LPCAT3: variants seen among roughly 807,000 people sequenced by gnomAD.
The protein encoded by LPCAT3 is lysophospholipid acyltransferase 5.
In LPCAT3, 21 loss-of-function variants were observed where a neutral mutation model predicts 63.4. The ratio of observed to expected loss-of-function variants is 0.33; its 90% CI spans 0.23 to 0.48. The LOEUF (loss-of-function observed/expected upper bound fraction) is 0.48. LPCAT3 is among the 20% of genes least tolerant of loss of function. The pLI, the probability that LPCAT3 is intolerant of heterozygous loss-of-function variation, is 0.99. For synonymous variants in LPCAT3, 242 were observed against 227.5 expected, an observed-to-expected ratio of 1.06 and a Z score of -0.58; for missense variants, 451 against 590.6, an observed-to-expected ratio of 0.76 and a Z score of 2.45.
In LPCAT3 at chr12:6,977,611, A is replaced by G. The variant is rs1946422993; in HGVS notation, c.1175T>C (p.Ile392Thr). Reference protein sequence around the residue: ...VCFQMEFLIVIVERQAARLIQ... With the variant: ...VCFQMEFLIVTVERQAARLIQ... ...CTGGAGGCCTACCTGTCTTTCCACA[A>G]TAACAATGAGGAATTCCATCTGGAA... The change falls in exon 10 of 13, where the codon ATT (isoleucine) becomes ACT (threonine). Residue 392 changes from isoleucine to threonine, a missense_variant. By Grantham distance (89) the Ile-to-Thr change is moderately conservative (BLOSUM62 -1). This residue lies in a region of LPCAT3 where 304 missense variants were observed against 390.8 expected (regional missense o/e 0.78). Transcript: ENST00000261407. The surrounding 1 kb of genome is among the most constrained non-coding windows in gnomAD (Gnocchi z 4.5). 6 of 1,614,204 alleles carry G rather than the reference A, an allele frequency of 3.7e-6. No individual in the cohort carries two copies. Among genetic ancestry groups the G allele is most frequent in the East Asian group, 2.2e-5 (1 of 44,892 alleles).
chr12:6,977,361 A>G lies in LPCAT3; in HGVS notation c.1347+6T>C, dbSNP rs1946416801. The stretch of plus-strand genomic sequence containing the variant: ...CTCCCAGTCTCACAAGCAGGCCTTC[A>G]CTTGCCTTAAGCCATTTGTCCCACG... On this transcript the variant is annotated splice_donor_region_variant and intron_variant, in intron 11 of 12. Coordinates refer to ENST00000261407, the MANE Select transcript of LPCAT3 (RefSeq NM_005768.6). This position sits in a 1 kb window ranked among gnomAD's most constrained non-coding sequence, Gnocchi z 4.5. 1.2e-6 allele frequency: 2 copies of G among 1,614,182 alleles called. No homozygotes were observed. Among genetic ancestry groups the G allele is most frequent in the African/African-American group, 2.7e-5 (2 of 75,046 alleles).
intron 1 of LPCAT3, among the ~76,000 whole-genome samples, chr12:6,986,443 T>C (rs1946526673): frequency 6.6e-6 from 1 of 152,200 alleles, no homozygotes; most frequent in Non-Finnish European, 1.5e-5. Flanking sequence ...TCAACTTGTT[T>C]ATGCTATTGG....
chr12:7,012,135 G>C (rs371480894), intron 1 of LPCAT3, among the ~76,000 whole-genome samples: 15 of 152,160 alleles, frequency 9.9e-5, no homozygotes, highest in African/African-American at 3.1e-4. Flanking sequence ...CAGTCTAACA[G>C]CCAAGCCACC....
intron 1 of LPCAT3, among the ~76,000 whole-genome samples, chr12:7,009,215 C>T (rs1486776334): frequency 6.6e-6 from 1 of 152,174 alleles, no homozygotes; most frequent in Non-Finnish European, 1.5e-5. Flanking sequence ...GCATGTGCCA[C>T]CATGCCCAGC....
chr12:6,977,066 G>T lies in LPCAT3; in HGVS notation c.*12+68C>A. 7 of 995,106 alleles carry T rather than the reference G, an allele frequency of 7.0e-6. No homozygotes were observed. In the South Asian group the frequency reaches 8.1e-5, roughly 11 times the overall value. The allele number at this position is 995,106 out of a possible 1,614,324, so 61.6% of individuals were successfully genotyped here. ...TTCACCCCAGATTTCTAATACTATTGTTTTTTTCCAGTCTGTTGCTCTATT... is the reference window on the plus strand; with the variant it reads ...TTCACCCCAGATTTCTAATACTATTTTTTTTTTCCAGTCTGTTGCTCTATT... On this transcript the variant is annotated intron_variant, in intron 12 of 12. Coordinates refer to ENST00000261407, the MANE Select transcript of LPCAT3 (RefSeq NM_005768.6). The surrounding 1 kb of genome is among the most constrained non-coding windows in gnomAD (Gnocchi z 4.5).
At position 7,018,373 on chromosome 12, in the gene LPCAT3, C is replaced by A. The variant is rs782445575; in HGVS notation, c.52G>T (p.Val18Phe). ...AGCTCCTGGAAACCCGACTGCAGAACCCCCGCCAGCGCCACCACAGTCCCC... is the reference window on the plus strand; with the variant it reads ...AGCTCCTGGAAACCCGACTGCAGAAACCCCGCCAGCGCCACCACAGTCCCC... ...DEGTVVALAG[V>F]LQSGFQELSL... Residue 18 changes from valine (V) to phenylalanine (F), a missense_variant, in exon 1 of 13, where the codon GTT (valine) becomes TTT (phenylalanine). Val to Phe is a conservative substitution (Grantham distance 50). Coordinates refer to ENST00000261407, the MANE Select transcript of LPCAT3 (RefSeq NM_005768.6). This position sits in a 1 kb window ranked among gnomAD's most constrained non-coding sequence, Gnocchi z 4.9. The A allele has an allele frequency of 5.0e-5, 81 of 1,612,240 alleles. No homozygotes were observed. The highest frequency in any genetic ancestry group is 6.9e-5 in the Non-Finnish European group (81 of 1,179,238).
intron 1 of LPCAT3, among the ~76,000 whole-genome samples, chr12:6,985,276 G>A (rs1591548694): frequency 1.4e-5 from 2 of 147,144 alleles, no homozygotes; most frequent in East Asian, 2.0e-4. Context: ...GGCGCCTATA[G>A]TCCCAGCTAC....
chr12:6,977,047 C>T lies in LPCAT3; in HGVS notation c.*12+87G>A, dbSNP rs782690248. 1.2e-6 allele frequency: 1 copy of T among 849,518 alleles called. No individual in the cohort carries two copies. The highest frequency in any genetic ancestry group is 1.5e-5 in the South Asian group (1 of 67,000). The allele number at this position is 849,518 out of a possible 1,614,324, so 52.6% of individuals were successfully genotyped here. On this transcript the variant is annotated intron_variant, in intron 12 of 12. Transcript: ENST00000261407. The surrounding 1 kb of genome is among the most constrained non-coding windows in gnomAD (Gnocchi z 4.5). ...GCCAGGCTAATCCTTGGAATTCACC[C>T]CAGATTTCTAATACTATTGTTTTTT...
In LPCAT3 at chr12:6,997,379, A is replaced by ATATGTGTG. The variant is rs1328538654; in HGVS notation, c.152-13841_152-13840insCACACATA. ...CATGCCCCCAAAACAACAGCAAATT[A>ATATGTGTG]TGTGTGTGTGTGTGTGTGTGTGTGT... On this transcript the variant is annotated intron_variant, in intron 1 of 12. Transcript: ENST00000261407. 8.8e-5 allele frequency: 10 copies of ATATGTGTG among 114,138 alleles called. No individual in the cohort carries two copies. In the East Asian group the frequency reaches 2.4e-3, roughly 28 times the overall value. 7.1% of individuals were successfully genotyped at this position (114,138 alleles called of 1,614,324 possible).
intron 1 of LPCAT3, among the ~76,000 whole-genome samples, chr12:7,009,818 T>C (rs1372805093): frequency 2.6e-5 from 4 of 152,232 alleles, no homozygotes; most frequent in Non-Finnish European, 5.9e-5. Flanking sequence ...CTTCTAGAAA[T>C]AGAAAATTTC....
In LPCAT3 at chr12:7,018,149, A is replaced by G; in HGVS notation, c.151+125T>C. 8.9e-7 allele frequency: 1 copy of G among 1,121,848 alleles called. No homozygotes were observed. The highest frequency in any genetic ancestry group is 1.3e-6 in the Non-Finnish European group (1 of 775,010). 69.5% of individuals were successfully genotyped at this position (1,121,848 alleles called of 1,614,324 possible). A position where few individuals can be genotyped will look rare whatever the true frequency, so the allele number is the denominator to read the frequency against. On this transcript the variant is annotated intron_variant, in intron 1 of 12. Coordinates refer to ENST00000261407, the MANE Select transcript of LPCAT3 (RefSeq NM_005768.6). This position sits in a 1 kb window ranked among gnomAD's most constrained non-coding sequence, Gnocchi z 4.9. ...TCAGTAGCTGTTGGTGTGCTTCAGG[A>G]TTCACACCCGCACCCGGCACAGCCC... is the stretch of plus-strand genomic sequence containing the variant.
intron 1 of LPCAT3, among the ~76,000 whole-genome samples, chr12:7,005,470 G>A (rs782723023): frequency 6.6e-6 from 1 of 152,228 alleles, no homozygotes; most frequent in African/African-American, 2.4e-5. Flanking sequence ...GAATGGAATT[G>A]CTGGGTCATA....
rs1310150365 is a variant in LPCAT3, at chr12:6,977,929, G to A, written c.1041-184C>T. On this transcript the variant is annotated intron_variant, in intron 9 of 12. Coordinates refer to ENST00000261407, the MANE Select transcript of LPCAT3 (RefSeq NM_005768.6). The surrounding 1 kb of genome is among the most constrained non-coding windows in gnomAD (Gnocchi z 4.5). Reference sequence around the variant, plus strand: ...TAGAGATGGAAAGCAGACCCAAGGCGGAGCTGGAGACCGTGTGCGCACGAG... The same window carrying A: ...TAGAGATGGAAAGCAGACCCAAGGCAGAGCTGGAGACCGTGTGCGCACGAG... 3.7e-5 allele frequency: 25 copies of A among 673,192 alleles called. No individual in the cohort carries two copies. Among genetic ancestry groups the A allele is most frequent in the East Asian group, 2.2e-4 (8 of 35,726 alleles). 41.7% of individuals were successfully genotyped at this position (673,192 alleles called of 1,614,324 possible).
chr12:6,987,312 G>C lies in LPCAT3; in HGVS notation c.152-3773C>G, dbSNP rs1264157804. ...TTCTGTTTATGAAGCACGTAATTGG[G>C]TAGGAGGTGGCATGTGATGGTTCGT... On this transcript the variant is annotated intron_variant, in intron 1 of 12. Transcript: ENST00000261407. The surrounding 1 kb of genome is among the most constrained non-coding windows in gnomAD (Gnocchi z 4.1). 1.3e-5 allele frequency among the ~76,000 whole-genome samples: 2 copies of C among 152,158 alleles called. No homozygotes were observed. The highest frequency in any genetic ancestry group is 2.9e-5 in the Non-Finnish European group (2 of 68,036).
chr12:6,976,942 T>C, intron 12 of LPCAT3, 51 bp from the exon 13 acceptor site: 1 of 546,370 alleles, frequency 1.8e-6, no homozygotes, highest in East Asian at 3.0e-5. Flanking sequence ...CTGTAATTCC[T>C]GGTCTATAGC....
intron 1 of LPCAT3, among the ~76,000 whole-genome samples, chr12:6,999,343 GAAC>G (rs1555156340): frequency 6.6e-6 from 1 of 152,150 alleles, no homozygotes; most frequent in Non-Finnish European, 1.5e-5. Flanking sequence ...TCTGAGGGAG[GAAC>G]AATAGAGGGG....
At chr12:6,979,337 T>G in intron 7 of LPCAT3, 134 bp downstream of exon 7, 1 of 682,862 alleles carries the variant, frequency 1.5e-6, no homozygotes, top group South Asian at 1.8e-5. Context: ...CATTGACAAC[T>G]CACAGATCTA....
At chr12:6,995,804 A>G (rs1478733635) in intron 1 of LPCAT3, among the ~76,000 whole-genome samples, 1 of 152,102 alleles carries the variant, frequency 6.6e-6, no homozygotes, top group African/African-American at 2.4e-5. Context: ...TCTACCTTCA[A>G]AATAAATCCA....
At chr12:7,003,660 C>T (rs1028152522) in intron 1 of LPCAT3, among the ~76,000 whole-genome samples, 11 of 152,152 alleles carry the variant, frequency 7.2e-5, no homozygotes, top group South Asian at 2.1e-4. Flanking sequence ...CGGTGGCTCA[C>T]GCCTGTAATC....
Sources: allele counts gnomAD v4.1 joint callset (sites outside exome capture counted in the v4.1 genomes callset), GRCh38; gene constraint gnomAD v4.1.1; regional missense constraint gnomAD v4.1.1; non-coding constraint Gnocchi (gnomAD v3.1); transcripts MANE v1.5; gene names NCBI Gene and HGNC (gene_info 2026-07-23, HGNC 2026-07-21).